The following RIC8B variants were observed in gnomAD, a reference collection of about 807,000 sequenced individuals.
The protein encoded by RIC8B is chaperone Ric-8B.
Under a neutral mutation model 57.5 loss-of-function variants are expected in RIC8B, and 16 were observed. The ratio of observed to expected loss-of-function variants is 0.28; its 90% CI spans 0.19 to 0.42. The LOEUF (loss-of-function observed/expected upper bound fraction) is 0.42, where lower values mean the gene tolerates loss of function less well. RIC8B is among the 10% of genes least tolerant of loss of function. RIC8B has a pLI of 1.00. For synonymous variants in RIC8B, 216 were observed against 250.8 expected, an observed-to-expected ratio of 0.86 and a Z score of 1.31; for missense variants, 481 against 677.0, an observed-to-expected ratio of 0.71 and a Z score of 3.21.
chr12:106,829,860 T>C (rs2046279373), intron 4 of RIC8B, among the ~76,000 whole-genome samples: 1 of 152,216 alleles, frequency 6.6e-6, no homozygotes, highest in Non-Finnish European at 1.5e-5. Context: ...AGAAAACTTT[T>C]TGGCAGCAGG....
At chr12:106,885,519 C>A (rs1488109212) in intron 9 of RIC8B, among the ~76,000 whole-genome samples, 1 of 151,576 alleles carries the variant, frequency 6.6e-6, no homozygotes, top group African/African-American at 2.4e-5. Context: ...ATGCTCCAAC[C>A]ACTGGGGCAG....
intron 1 of RIC8B, among the ~76,000 whole-genome samples, chr12:106,775,642 A>G (rs921113171): frequency 2.0e-5 from 3 of 152,242 alleles, no homozygotes; most frequent in African/African-American, 4.8e-5. Flanking sequence ...TCTGCGTAAA[A>G]GAGTATCTTG....
At chr12:106,845,903 A>G (rs932950552) in intron 6 of RIC8B, among the ~76,000 whole-genome samples, 6 of 152,196 alleles carry the variant, frequency 3.9e-5, no homozygotes, top group East Asian at 1.9e-4. Flanking sequence ...ATTCTCCAAT[A>G]GAATTTGATG....
chr12:106,797,910 C>T (rs957046118), intron 2 of RIC8B: 15 of 569,984 alleles, frequency 2.6e-5, no homozygotes, highest in Non-Finnish European at 4.8e-5. Context: ...CGTACTGCCG[C>T]TCATTAATAA....
intron 1 of RIC8B, among the ~76,000 whole-genome samples, chr12:106,780,295 A>G (rs1167593419): frequency 6.6e-6 from 1 of 152,090 alleles, no homozygotes; most frequent in Non-Finnish European, 1.5e-5. Context: ...GCAGCATTCC[A>G]GTTTTGAAGT....
At chr12:106,878,246 C>CA (rs1216943629) in intron 9 of RIC8B, among the ~76,000 whole-genome samples, 1 of 152,052 alleles carries the variant, frequency 6.6e-6, no homozygotes, top group Non-Finnish European at 1.5e-5. Flanking sequence ...GATCAGGGTT[C>CA]AAGCCTAAAG....
intron 8 of RIC8B, among the ~76,000 whole-genome samples, chr12:106,869,204 C>T (rs761577660): frequency 2.6e-5 from 4 of 152,054 alleles, no homozygotes; most frequent in African/African-American, 4.8e-5. Flanking sequence ...ATCAGGTTTT[C>T]GAGGATGGTG....
rs375109337 is a variant in RIC8B, at chr12:106,826,649, G to A, written c.836+829G>A. 2.5e-3 allele frequency among the ~76,000 whole-genome samples: 381 copies of A among 152,254 alleles called. 1 individual carries two copies. Among genetic ancestry groups the A allele is most frequent in the African/African-American group, 8.4e-3 (348 of 41,552 alleles). On this transcript the variant is annotated intron_variant, in intron 4 of 9. Transcript: ENST00000392837. ...CACATGCCTGTAATCCTAGCTACTC[G>A]GGAAGCCGAGGCAGGAGAAACACTG...
chr12:106,870,972 G>GTACAATCTGGACCA, intron 9 of RIC8B, 30 bp downstream of exon 9: 1 of 1,537,230 alleles, frequency 6.5e-7, no homozygotes, highest in Non-Finnish European at 8.8e-7. Context: ...TTTTTGCTTG[G>GTACAATCTGGACCA]TTTCTAAAAA....
chr12:106,795,613 T>C (rs1258886789), intron 2 of RIC8B, among the ~76,000 whole-genome samples: 2 of 152,160 alleles, frequency 1.3e-5, no homozygotes, highest in African/African-American at 4.8e-5. Flanking sequence ...CACTGTCTTG[T>C]CTGCTCCTTA....
intron 1 of RIC8B, among the ~76,000 whole-genome samples, chr12:106,778,790 C>T (rs1427787314): frequency 1.3e-5 from 2 of 152,082 alleles, no homozygotes; most frequent in Non-Finnish European, 2.9e-5. Flanking sequence ...ACGGTTATTC[C>T]TCAATATCCA....
chr12:106,784,070 T>C (rs1471394894), intron 2 of RIC8B, 26 bp downstream of exon 2: 1 of 1,598,462 alleles, frequency 6.3e-7, no homozygotes, highest in Non-Finnish European at 8.6e-7. Flanking sequence ...GCTCTGTGAA[T>C]GTTTATGTGT....
Position 106,879,814 on chromosome 12 carries a change from G to A in RIC8B, c.1572-6090G>A. 1.0e-6 allele frequency: 1 copy of A among 985,432 alleles called. No individual in the cohort carries two copies. Among genetic ancestry groups the A allele is most frequent in the Non-Finnish European group, 1.2e-6 (1 of 829,934 alleles). 61.0% of individuals were successfully genotyped at this position (985,432 alleles called of 1,614,324 possible). On this transcript the variant is annotated intron_variant, in intron 9 of 9. Transcript: ENST00000392837. This position sits in a 1 kb window ranked among gnomAD's most constrained non-coding sequence, Gnocchi z 4.9. ...AGGCTTATCTCTTCCCTGGCCAGAT[G>A]CCTGATCAGATGAGAAGCCCGCCAT...
chr12:106,811,980 T>C (rs1032400734), intron 2 of RIC8B, among the ~76,000 whole-genome samples: 1 of 152,226 alleles, frequency 6.6e-6, no homozygotes, highest in Non-Finnish European at 1.5e-5. Flanking sequence ...TTTCTAATAA[T>C]ATTCTTTAAA....
chr12:106,804,891 C>G (rs1017940413), intron 2 of RIC8B, among the ~76,000 whole-genome samples: 5 of 151,964 alleles, frequency 3.3e-5, no homozygotes, highest in African/African-American at 9.7e-5. Context: ...AAAAAGATAG[C>G]GTTTGATTTG....
At chr12:106,884,608 T>C (rs923347700) in intron 9 of RIC8B, among the ~76,000 whole-genome samples, 3 of 152,174 alleles carry the variant, frequency 2.0e-5, no homozygotes, top group African/African-American at 7.2e-5. Flanking sequence ...TCCTCCCTCA[T>C]AGTATTCAGG....
chr12:106,816,570 CTGTT>C (rs2045584506), intron 3 of RIC8B, among the ~76,000 whole-genome samples: 1 of 152,082 alleles, frequency 6.6e-6, no homozygotes, highest in East Asian at 1.9e-4. Flanking sequence ...TTTTCTTACG[CTGTT>C]TGTTTTGGGG....
chr12:106,823,494 A>G (rs781242395), intron 3 of RIC8B: 1 of 455,216 alleles, frequency 2.2e-6, no homozygotes, highest in Admixed American at 2.4e-5. Context: ...TGGAAAGACC[A>G]AATGGATAGA....
intron 2 of RIC8B, among the ~76,000 whole-genome samples, chr12:106,806,280 C>G (rs1377078593): frequency 6.6e-6 from 1 of 152,176 alleles, no homozygotes; most frequent in Non-Finnish European, 1.5e-5. Context: ...CATTTGTGCT[C>G]TAGCATTGCC....
Sources: allele counts gnomAD v4.1 joint callset (sites outside exome capture counted in the v4.1 genomes callset), GRCh38; gene constraint gnomAD v4.1.1; non-coding constraint Gnocchi (gnomAD v3.1); transcripts MANE v1.5; gene names NCBI Gene and HGNC (gene_info 2026-07-23, HGNC 2026-07-21).